BMPR1A: variants seen among roughly 807,000 people sequenced by gnomAD.
The protein encoded by BMPR1A is bone morphogenetic protein receptor type-1A.
A neutral mutation model predicts 66.0 loss-of-function variants in BMPR1A; 7 were observed. The ratio of observed to expected loss-of-function variants is 0.11; its 90% CI spans 0.06 to 0.20. The LOEUF (loss-of-function observed/expected upper bound fraction) is 0.20. Among genes scored for constraint, BMPR1A ranks in the 10% least tolerant of loss-of-function variants. The pLI is 1.00. For synonymous variants in BMPR1A, 200 were observed against 229.7 expected (o/e 0.87, Z 1.17); for missense variants, 408 against 669.1 (o/e 0.61, Z 4.31).
downstream of BMPR1A, chr10:86,931,313 A>ATATATATATATATATATAT (rs368438719): frequency 7.5e-6 from 1 of 133,042 alleles, no homozygotes; most frequent in African/African-American, 3.1e-5. Context: ...ATATATATAT[A>ATATATATATATATATATAT]TTCAAGCAAT....
intron 5 of BMPR1A, among the ~76,000 whole-genome samples, chr10:86,899,037 AG>A (rs1200131218): frequency 1.3e-5 from 2 of 152,192 alleles, no homozygotes; most frequent in Non-Finnish European, 2.9e-5. Context: ...GATTATACTG[AG>A]GCTTTTCCTT....
intron 3 of BMPR1A, among the ~76,000 whole-genome samples, chr10:86,881,564 A>C (rs1325530918): frequency 6.6e-6 from 1 of 152,224 alleles, no homozygotes; most frequent in East Asian, 1.9e-4. Context: ...TTCAGCGCTC[A>C]ATAGACACAT....
chr10:86,767,719 T>C (rs1472127848), intron 1 of BMPR1A, among the ~76,000 whole-genome samples: 1 of 151,988 alleles, frequency 6.6e-6, no homozygotes, highest in African/African-American at 2.4e-5. Context: ...CATTTGAGAA[T>C]AGCTTTTTTT....
intron 1 of BMPR1A, among the ~76,000 whole-genome samples, chr10:86,777,191 A>G (rs1841363327): frequency 6.6e-6 from 1 of 152,194 alleles, no homozygotes; most frequent in Admixed American, 6.5e-5. Context: ...TCATTGCTTA[A>G]TAGAGAAACC....
At position 86,926,671 on chromosome 10, in the gene BMPR1A, T is replaced by C. The variant is rs1449172525; in HGVS notation, c.*2952T>C. On this transcript the variant is annotated 3_prime_UTR_variant, in exon 13 of 13. Coordinates refer to ENST00000372037, the MANE Select transcript of BMPR1A (RefSeq NM_004329.3). ...TAGGCCAGCAAGAAGAAGTATTATGTAGTACCATAGTTAGTAAATTCGTAA... is the reference window on the plus strand; with the variant it reads ...TAGGCCAGCAAGAAGAAGTATTATGCAGTACCATAGTTAGTAAATTCGTAA... 1.1e-5 allele frequency: 2 copies of C among 183,228 alleles called. No homozygotes were observed. Among genetic ancestry groups the C allele is most frequent in the African/African-American group, 2.3e-5 (1 of 42,576 alleles). The allele number at this position is 183,228 out of a possible 1,614,324, so 11.4% of individuals were successfully genotyped here.
rs544476772 is a variant in BMPR1A at position 86,874,200 on chromosome 10, T to TC, written c.-152-1662dup. ...TATATCTTGATACTAATTAGCCTTT[T>TC]CCCCCGTTATTTATTTAACAATTTT... On this transcript the variant is annotated intron_variant, in intron 2 of 12. Transcript: ENST00000372037. 1.4e-4 allele frequency among the ~76,000 whole-genome samples: 22 copies of TC among 152,272 alleles called. No homozygotes were observed. The South Asian group carries it at 3.3e-3, about 23-fold the overall frequency.
chr10:86,889,944 C>A, intron 3 of BMPR1A, 118 bp from the exon 4 acceptor site: 1 of 1,079,296 alleles, frequency 9.3e-7, no homozygotes, highest in Non-Finnish European at 1.4e-6. Flanking sequence ...TCTAAAGAAA[C>A]ATGCTAGCTA....
At chr10:86,807,176 A>G (rs1003691166) in intron 1 of BMPR1A, among the ~76,000 whole-genome samples, 1 of 152,124 alleles carries the variant, frequency 6.6e-6, no homozygotes, top group Non-Finnish European at 1.5e-5. Context: ...TATCTAGGAA[A>G]TAGACTATTA....
intron 9 of BMPR1A, 136 bp from the exon 10 acceptor site, chr10:86,919,036 G>T (rs144178756): frequency 2.3e-6 from 2 of 870,006 alleles, no homozygotes; most frequent in East Asian, 2.4e-5. Flanking sequence ...ACACATTCAC[G>T]ACTTGGTGTC....
rs2133407915 is a variant in BMPR1A at position 86,892,151 on chromosome 10, C to T, written c.255C>T (p.Ile85=). 6.2e-7 allele frequency: 1 copy of T among 1,613,464 alleles called. No individual in the cohort carries two copies. Among genetic ancestry groups the T allele is most frequent in the Non-Finnish European group, 8.5e-7 (1 of 1,179,478 alleles). The part of the protein sequence containing the change: ...TCITNGHCFA[I]IEEDDQGETT... ...GAACTAATGGACATTGCTTTGCCAT[C>T]ATAGAAGAAGATGACCAGGGAGAAA... The change falls in exon 5 of 13, where the codon ATC becomes ATT. Residue 85 remains isoleucine, a synonymous_variant. Transcript: ENST00000372037.
intron 1 of BMPR1A, among the ~76,000 whole-genome samples, chr10:86,825,045 A>C (rs1842173579): frequency 6.6e-6 from 1 of 152,026 alleles, no homozygotes; most frequent in Admixed American, 6.6e-5. Flanking sequence ...TTTTCTAAAT[A>C]TATTAGAAAT....
At chr10:86,888,731 G>A (rs1843104483) in intron 3 of BMPR1A, among the ~76,000 whole-genome samples, 1 of 151,728 alleles carries the variant, frequency 6.6e-6, no homozygotes, top group African/African-American at 2.4e-5. Context: ...AGAGGCTGAG[G>A]TGGGAGGATC....
chr10:86,855,534 C>A, intron 2 of BMPR1A: 1 of 436,940 alleles, frequency 2.3e-6, no homozygotes, highest in East Asian at 3.6e-5. Flanking sequence ...AATAGTATTT[C>A]TATTTTTTGA....
At chr10:86,863,587 G>T (rs545552558) in intron 2 of BMPR1A, among the ~76,000 whole-genome samples, 1 of 152,244 alleles carries the variant, frequency 6.6e-6, no homozygotes, top group East Asian at 1.9e-4. Flanking sequence ...TGTCTCCCGG[G>T]ATCTGGCTTC....
At chr10:86,871,134 G>T (rs1205224668) in intron 2 of BMPR1A, among the ~76,000 whole-genome samples, 3 of 152,094 alleles carry the variant, frequency 2.0e-5, no homozygotes, top group African/African-American at 7.2e-5. Flanking sequence ...TTCTTTGCCT[G>T]ACTGACTCTA....
chr10:86,794,292 T>C (rs1279114693), intron 1 of BMPR1A, among the ~76,000 whole-genome samples: 2 of 152,196 alleles, frequency 1.3e-5, no homozygotes, highest in East Asian at 3.8e-4. Context: ...GGATTGGTCC[T>C]GGCCTGAATC....
intron 7 of BMPR1A, among the ~76,000 whole-genome samples, chr10:86,911,213 G>C (rs1843478588): frequency 6.6e-6 from 1 of 151,242 alleles, no homozygotes; most frequent in South Asian, 2.1e-4. Context: ...CATTAGGATT[G>C]GAAGGTTGTC....
chr10:86,827,456 G>A (rs901686025), intron 1 of BMPR1A, among the ~76,000 whole-genome samples: 64 of 151,878 alleles, frequency 4.2e-4, no homozygotes, highest in African/African-American at 1.4e-3. Flanking sequence ...TTGACACCTC[G>A]GTTTCACCTA....
chr10:86,808,099 C>G (rs1410644302), intron 1 of BMPR1A, among the ~76,000 whole-genome samples: 1 of 151,978 alleles, frequency 6.6e-6, no homozygotes, highest in African/African-American at 2.4e-5. Flanking sequence ...AGATATAGGC[C>G]TATTTGGATT....
Sources: allele counts gnomAD v4.1 joint callset (sites outside exome capture counted in the v4.1 genomes callset), GRCh38; gene constraint gnomAD v4.1.1; transcripts MANE v1.5; gene names NCBI Gene and HGNC (gene_info 2026-07-23, HGNC 2026-07-21).